Variants in PDZRN3 observed in about 807,000 individuals in gnomAD.
PDZRN3 encodes PDZ domain containing ring finger 3.
In PDZRN3, 38 loss-of-function variants were observed where a neutral mutation model predicts 85.7. That is an observed-to-expected ratio of 0.44 (90% CI 0.34 to 0.58). The LOEUF (loss-of-function observed/expected upper bound fraction) is 0.58, where lower values mean the gene tolerates loss of function less well. PDZRN3 is among the 20% of genes least tolerant of loss of function. PDZRN3 has a pLI of 0.01. For synonymous variants in PDZRN3, 759 were observed against 638.0 expected, an observed-to-expected ratio of 1.19 and a Z score of -2.86; for missense variants, 1,629 against 1,506.4, an observed-to-expected ratio of 1.08 and a Z score of -1.35.
chr3:73,607,029 C>T (rs1056746932), intron 2 of PDZRN3, among the ~76,000 whole-genome samples: 22 of 152,188 alleles, frequency 1.4e-4, no homozygotes, highest in Non-Finnish European at 1.3e-4. Flanking sequence ...CATCCCTCAA[C>T]TCTTTCCACA....
At chr3:73,434,359 G>A (rs1702491050) in intron 3 of PDZRN3, among the ~76,000 whole-genome samples, 1 of 152,140 alleles carries the variant, frequency 6.6e-6, no homozygotes, top group South Asian at 2.1e-4. Flanking sequence ...GGACTTTATG[G>A]AAAGGACATG....
chr3:73,604,445 C>T (rs1301776037), intron 2 of PDZRN3, among the ~76,000 whole-genome samples: 5 of 152,298 alleles, frequency 3.3e-5, no homozygotes, highest in Non-Finnish European at 5.9e-5. Context: ...CAAGGTCACA[C>T]AGCTAAAAAG....
intron 3 of PDZRN3, among the ~76,000 whole-genome samples, chr3:73,472,850 T>G (rs951963247): frequency 2.0e-5 from 3 of 152,252 alleles, no homozygotes; most frequent in African/African-American, 7.2e-5. Context: ...TATGTGTGCT[T>G]GTATAAATGA....
At chr3:73,442,020 A>AT (rs1436983153) in intron 3 of PDZRN3, among the ~76,000 whole-genome samples, 1 of 152,198 alleles carries the variant, frequency 6.6e-6, no homozygotes, top group East Asian at 1.9e-4. Flanking sequence ...CTCTTTGCCC[A>AT]TGTGAATGTG....
intron 3 of PDZRN3, chr3:73,433,734 T>G (rs1229462667): frequency 1.3e-6 from 2 of 1,535,990 alleles, no homozygotes; most frequent in Admixed American, 3.9e-5. Context: ...AAGGAAGGCT[T>G]CCGTTCTCGC....
intron 3 of PDZRN3, among the ~76,000 whole-genome samples, chr3:73,455,798 C>T (rs1367569775): frequency 6.6e-6 from 1 of 152,210 alleles, no homozygotes; most frequent in East Asian, 1.9e-4. Flanking sequence ...TCAAAAGGTA[C>T]ACTTTCTTCG....
intron 5 of PDZRN3, among the ~76,000 whole-genome samples, chr3:73,396,383 T>C (rs1701637581): frequency 6.6e-6 from 1 of 152,140 alleles, no homozygotes; most frequent in East Asian, 1.9e-4. Flanking sequence ...GCAGGCATAG[T>C]ACAAAAAATG....
At chr3:73,561,708 C>T (rs1290510997) in intron 3 of PDZRN3, 1 of 152,206 alleles carries the variant, frequency 6.6e-6, no homozygotes, top group Non-Finnish European at 1.5e-5. Context: ...TGCATCTTCG[C>T]ATGCGGATCC....
At chr3:73,457,120 T>C (rs577605669) in intron 3 of PDZRN3, among the ~76,000 whole-genome samples, 75 of 152,286 alleles carry the variant, frequency 4.9e-4, no homozygotes, top group African/African-American at 1.7e-3. Flanking sequence ...TCGCCCAGGC[T>C]GGAGTGCAGT....
intron 3 of PDZRN3, among the ~76,000 whole-genome samples, chr3:73,574,855 G>A (rs79543006): frequency 0.039 from 5,894 of 152,250 alleles, 174 homozygotes; most frequent in Non-Finnish European, 0.058. Context: ...TTCCGTCTCT[G>A]GCAGTTCAGC....
At chr3:73,399,517 AC>A (rs1701708080) in intron 5 of PDZRN3, among the ~76,000 whole-genome samples, 1 of 152,038 alleles carries the variant, frequency 6.6e-6, no homozygotes, top group Non-Finnish European at 1.5e-5. Flanking sequence ...TTCATTATGA[AC>A]CCCCTTTGGA....
rs371063839 is a variant in PDZRN3 at position 73,551,017 on chromosome 3, C to T, written c.918+51337G>A. 1.8e-4 allele frequency among the ~76,000 whole-genome samples: 28 copies of T among 152,300 alleles called. No individual in the cohort carries two copies. In the East Asian group the frequency reaches 4.4e-3, roughly 24 times the overall value. On this transcript the variant is annotated intron_variant, in intron 3 of 9. Coordinates refer to ENST00000263666, the MANE Select transcript of PDZRN3 (RefSeq NM_015009.3). ...AATAACGCTGGATGCTTTCAGGGAA[C>T]ACCTTGTGTTTGAAATTGTAAAAAC...
At chr3:73,458,110 T>C (rs901196754) in intron 3 of PDZRN3, among the ~76,000 whole-genome samples, 1 of 152,206 alleles carries the variant, frequency 6.6e-6, no homozygotes, top group Non-Finnish European at 1.5e-5. Flanking sequence ...TTGCTTTTTA[T>C]TCTTTTTCTC....
chr3:73,571,727 C>T (rs1368788631), intron 3 of PDZRN3, among the ~76,000 whole-genome samples: 2 of 152,174 alleles, frequency 1.3e-5, no homozygotes, highest in African/African-American at 4.8e-5. Context: ...CCTGAGCAGG[C>T]GGCTCTCACC....
At chr3:73,593,914 A>C (rs1249000462) in intron 3 of PDZRN3, 1 of 152,186 alleles carries the variant, frequency 6.6e-6, no homozygotes, top group Non-Finnish European at 1.5e-5. Flanking sequence ...AAATTGCATC[A>C]TACCATGTTT....
intron 3 of PDZRN3, among the ~76,000 whole-genome samples, chr3:73,512,539 T>C (rs1575701058): frequency 6.6e-6 from 1 of 152,064 alleles, no homozygotes; most frequent in South Asian, 2.1e-4. Flanking sequence ...TTTTCTTTTT[T>C]TTTTCCGGGG....
chr3:73,533,746 C>T (rs2106761828), intron 3 of PDZRN3, among the ~76,000 whole-genome samples: 1 of 152,196 alleles, frequency 6.6e-6, no homozygotes, highest in Middle Eastern at 3.4e-3. Flanking sequence ...ATAGAGAAGG[C>T]AAAGAAATCA....
chr3:73,552,485 T>C (rs893507028), intron 3 of PDZRN3, among the ~76,000 whole-genome samples: 2 of 152,144 alleles, frequency 1.3e-5, no homozygotes, highest in African/African-American at 4.8e-5. Flanking sequence ...GGTGTTTTCT[T>C]CTCTGGAAGA....
intron 3 of PDZRN3, among the ~76,000 whole-genome samples, chr3:73,414,675 A>G (rs1702040362): frequency 6.6e-6 from 1 of 152,242 alleles, no homozygotes; most frequent in Non-Finnish European, 1.5e-5. Context: ...GCCAGTATGA[A>G]TATAAAACTA....
Sources: gnomAD v4.1 joint callset for allele counts (sites outside exome capture counted in the v4.1 genomes callset) on GRCh38, gnomAD v4.1.1 for gene constraint, MANE v1.5 for transcripts, NCBI Gene and HGNC (gene_info 2026-07-23, HGNC 2026-07-21) for gene names.